IGSF9: variants seen among roughly 807,000 people sequenced by gnomAD.
The protein encoded by IGSF9 is immunoglobulin superfamily member 9.
IGSF9 carries 87 observed loss-of-function variants against 121.7 expected under a neutral mutation model. The observed-to-expected ratio is 0.71, with a 90% CI of 0.60 to 0.85. The LOEUF (loss-of-function observed/expected upper bound fraction) is 0.85. Ranked by LOEUF, IGSF9 falls within the 40% of genes least tolerant of loss-of-function variation. The pLI is 0.00. For missense variants in IGSF9, 1,462 were observed against 1,565.3 expected, an observed-to-expected ratio of 0.93 and a Z score of 1.11; for synonymous variants, 640 against 648.4, an observed-to-expected ratio of 0.99 and a Z score of 0.20.
chr1:159,927,558 G>A, intron 20 of IGSF9, 32 bp from the exon 21 acceptor site: 1 of 1,598,812 alleles, frequency 6.3e-7, no homozygotes, highest in Non-Finnish European at 8.5e-7. Flanking sequence ...ATGAGAAGAA[G>A]CCCTGAGGTT....
chr1:159,927,132 G>GAGAGAGAGAGAGAGAGAGAGAGAGAGA lies in IGSF9; in HGVS notation c.*212_*213insTCTCTCTCTCTCTCTCTCTCTCTCTCT. 2.4e-6 allele frequency: 1 copy of GAGAGAGAGAGAGAGAGAGAGAGAGAGA among 408,786 alleles called. No homozygotes were observed. The highest frequency in any genetic ancestry group is 3.8e-5 in the South Asian group (1 of 26,216). 25.3% of individuals were successfully genotyped at this position (408,786 alleles called of 1,614,324 possible). A position where few individuals can be genotyped will look rare whatever the true frequency, so the allele number is the denominator to read the frequency against. On this transcript the variant is annotated 3_prime_UTR_variant, in exon 21 of 21. Coordinates refer to ENST00000368094, the MANE Select transcript of IGSF9 (RefSeq NM_001135050.2). ...GAGAGAGAGAGAGAGAGAGAGAGAG[G>GAGAGAGAGAGAGAGAGAGAGAGAGAGA]CAGACCTAAGATCCCTGTTCCAATC...
At chr1:159,935,546 C>A (rs1186121376) in intron 6 of IGSF9, among the ~76,000 whole-genome samples, 1 of 152,254 alleles carries the variant, frequency 6.6e-6, no homozygotes, top group Non-Finnish European at 1.5e-5. Flanking sequence ...AAAAGCACCT[C>A]TGGCTACTAC....
At position 159,928,637 on chromosome 1, in the gene IGSF9, CA is replaced by C; in HGVS notation, c.2750del (p.Leu917CysfsTer11). The C allele has an allele frequency of 6.7e-7, 1 of 1,484,816 alleles. No individual in the cohort carries two copies. Among genetic ancestry groups the C allele is most frequent in the Non-Finnish European group, 9.0e-7 (1 of 1,115,838 alleles). The allele number at this position is 1,484,816 out of a possible 1,614,324, so 92.0% of individuals were successfully genotyped here. ...APPPAAPPSP[L>X]PGPGPLLQYL... ...ACTGGAGCAGGGGTCCAGGACCTGGCAAGGGACTGGGTGGGGCTGCTGGAGG... is the reference window on the plus strand; with the variant it reads ...ACTGGAGCAGGGGTCCAGGACCTGGCAGGGACTGGGTGGGGCTGCTGGAGG... On this transcript the variant is annotated frameshift_variant, in exon 19 of 21. Transcript: ENST00000368094. LOFTEE classifies it high-confidence loss of function.
At position 159,942,900 on chromosome 1, in the gene IGSF9, A is replaced by G. The variant is rs1651438591; in HGVS notation, c.247+63T>C. On this transcript the variant is annotated intron_variant, in intron 3 of 20. Coordinates refer to ENST00000368094, the MANE Select transcript of IGSF9 (RefSeq NM_001135050.2). Reference sequence around the variant, plus strand: ...AGCCGTTCATAGGAGGCCTTGTGCGACTCTACCCAGCCCACCTTTCTTGCT... The same window carrying G: ...AGCCGTTCATAGGAGGCCTTGTGCGGCTCTACCCAGCCCACCTTTCTTGCT... 11 of 1,453,566 alleles carry G rather than the reference A, an allele frequency of 7.6e-6. No homozygotes were observed. The South Asian group carries it at 1.1e-4, about 14-fold the overall frequency. The allele number at this position is 1,453,566 out of a possible 1,614,324, so 90.0% of individuals were successfully genotyped here. A position where few individuals can be genotyped will look rare whatever the true frequency, so the allele number is the denominator to read the frequency against.
Position 159,928,208 on chromosome 1 carries a change from A to G in IGSF9, c.3180T>C (p.Ser1060=), listed in dbSNP as rs1285744099. The change falls in exon 19 of 21, where the codon AGT becomes AGC. Residue 1060 remains serine (S), a synonymous_variant. Coordinates refer to ENST00000368094, the MANE Select transcript of IGSF9 (RefSeq NM_001135050.2). ...CCCTTCGGGGCCATCTCTCAGGGCC[A>G]CTGGCCCAGCTGCTGGTGTCTCCTG... ...PAPGDTSSWA[S]GPERWPRREH... is the part of the protein sequence containing the mutation. 1 of 1,612,546 alleles carries G rather than the reference A, an allele frequency of 6.2e-7. No individual in the cohort carries two copies. The highest frequency in any genetic ancestry group is 1.7e-5 in the Admixed American group (1 of 60,024).
chr1:159,945,403 G>A (rs1017494473), intron 1 of IGSF9, among the ~76,000 whole-genome samples, 170 bp downstream of exon 1: 1 of 149,326 alleles, frequency 6.7e-6, no homozygotes, highest in Non-Finnish European at 1.5e-5. Context: ...AGTTCTCCGG[G>A]AACTCCCACC....
rs1650755798 is a variant in IGSF9 at position 159,927,091 on chromosome 1, CACACACAGAG to C, written c.*244_*253del. ...GTAAAAAACTTCACACACACACACA[CACACACAGAG>C]AGAGAGAGAGAGAGAGAGAGAGAGA... On this transcript the variant is annotated 3_prime_UTR_variant, in exon 21 of 21. Coordinates refer to ENST00000368094, the MANE Select transcript of IGSF9 (RefSeq NM_001135050.2). 2 of 540,818 alleles carry C rather than the reference CACACACAGAG, an allele frequency of 3.7e-6. No homozygotes were observed. 33.5% of individuals were successfully genotyped at this position (540,818 alleles called of 1,614,324 possible).
Position 159,934,780 on chromosome 1 carries a change from T to C in IGSF9, c.716A>G (p.Asn239Ser), listed in dbSNP as rs781409809. 9.3e-6 allele frequency: 15 copies of C among 1,614,052 alleles called. No homozygotes were observed. The highest frequency in any genetic ancestry group is 2.7e-5 in the African/African-American group (2 of 74,912). ...IVVPPKNSTV[N>S]ASQDVSLACH... The stretch of plus-strand genomic sequence containing the variant: ...GGCCAATGAAACATCCTGGGAGGCA[T>C]TGACTGTGCTGTTCTTGGGGGGCAC... Residue 239 changes from asparagine to serine, a missense_variant, in exon 7 of 21, where the codon AAT becomes AGT. Transcript: ENST00000368094.
Position 159,928,860 on chromosome 1 carries a change from TC to T in IGSF9, c.2527del (p.Glu843SerfsTer12). The T allele has an allele frequency of 6.3e-7, 1 of 1,583,502 alleles. No individual in the cohort carries two copies. Among genetic ancestry groups the T allele is most frequent in the Admixed American group, 1.8e-5 (1 of 55,402 alleles). ...CCCGTCTGGGCCCCGGCAAATGGGC[TC>T]CAGAGGTAAGGGTCCCCGGCTAGAT... ...PPSSRGPLPLEPICRGPDGRF... is the reference protein window; with the variant it reads ...PPSSRGPLPLXPICRGPDGRF... On this transcript the variant is annotated frameshift_variant, in exon 19 of 21. Coordinates refer to ENST00000368094, the MANE Select transcript of IGSF9 (RefSeq NM_001135050.2). LOFTEE classifies it high-confidence loss of function.
rs543521092 is a variant in IGSF9, at chr1:159,928,275, G to C, written c.3113C>G (p.Ser1038Cys). 1.7e-5 allele frequency: 27 copies of C among 1,613,028 alleles called. No individual in the cohort carries two copies. Among genetic ancestry groups the C allele is most frequent in the Non-Finnish European group, 2.1e-5 (25 of 1,179,852 alleles). Reference sequence around the variant, plus strand: ...GCTGCCTCCTGCAGAGGGGGCTGTGGAGGGGGGCCGCAGGAACGAAGCGCT... The same window carrying C: ...GCTGCCTCCTGCAGAGGGGGCTGTGCAGGGGGGCCGCAGGAACGAAGCGCT... ...RGSASFLRPP[S>C]TAPSAGGSYL... The change falls in exon 19 of 21, where the codon TCC (serine) becomes TGC (cysteine). Residue 1038 changes from serine to cysteine, a missense_variant. Coordinates refer to ENST00000368094, the MANE Select transcript of IGSF9 (RefSeq NM_001135050.2).
At chr1:159,936,988 C>A (rs1249529398) in intron 4 of IGSF9, 80 bp from the exon 5 acceptor site, 1 of 1,425,596 alleles carries the variant, frequency 7.0e-7, no homozygotes, top group Non-Finnish European at 9.7e-7. Context: ...GGAGACCACT[C>A]AGGGCTCCAG....
At position 159,936,887 on chromosome 1, in the gene IGSF9, G is replaced by A; in HGVS notation, c.422C>T (p.Thr141Ile). Residue 141 changes from threonine to isoleucine, a missense_variant, in exon 5 of 21, where the codon ACA (threonine) becomes ATA (isoleucine). Thr to Ile is a moderately conservative substitution (Grantham distance 89). Transcript: ENST00000368094. ...CTGCACTTCCAACACAGCAGGAGGT[G>A]TCTCCTGGAATTGAGGGGGTGCTGC... ...TVNSPPQFQETPPAVLEVQEL... is the reference protein window; with the variant it reads ...TVNSPPQFQEIPPAVLEVQEL... The A allele has an allele frequency of 6.2e-7, 1 of 1,614,222 alleles. No individual in the cohort carries two copies. Among genetic ancestry groups the A allele is most frequent in the Non-Finnish European group, 8.5e-7 (1 of 1,180,018 alleles).
chr1:159,935,446 T>G (rs1651151282), intron 6 of IGSF9, among the ~76,000 whole-genome samples: 1 of 152,226 alleles, frequency 6.6e-6, no homozygotes, highest in East Asian at 1.9e-4. Flanking sequence ...TATGGGCAGC[T>G]GGCTGTCCCC....
intron 3 of IGSF9, among the ~76,000 whole-genome samples, chr1:159,941,991 TC>T (rs1189655100): frequency 6.6e-6 from 1 of 152,190 alleles, no homozygotes; most frequent in Non-Finnish European, 1.5e-5. Flanking sequence ...GCTCAGCCAA[TC>T]CCGGGGTTTC....
chr1:159,929,481 C>T, intron 17 of IGSF9, 88 bp from the exon 18 acceptor site: 1 of 1,539,292 alleles, frequency 6.5e-7, no homozygotes, highest in Non-Finnish European at 8.9e-7. Context: ...AGGCGCCCAA[C>T]CCCATCCGGC....
rs1034460257 is a variant in IGSF9, at chr1:159,927,189, T to G, written c.*156A>C. ...CTCACCTAGGGGGTCAGCACATACA[T>G]TCCATACCAAGGTGACCCAAACCCA... On this transcript the variant is annotated 3_prime_UTR_variant, in exon 21 of 21. Transcript: ENST00000368094. 6.6e-6 allele frequency: 5 copies of G among 755,098 alleles called. No homozygotes were observed. Among genetic ancestry groups the G allele is most frequent in the Non-Finnish European group, 1.1e-5 (5 of 451,424 alleles). The allele number at this position is 755,098 out of a possible 1,614,324, so 46.8% of individuals were successfully genotyped here.
rs147663633 is a variant in IGSF9, at chr1:159,931,866, C to T, written c.1308G>A (p.Leu436=). The change falls in exon 11 of 21, where the codon CTG becomes CTA. Residue 436 remains leucine, a synonymous_variant. Coordinates refer to ENST00000368094, the MANE Select transcript of IGSF9 (RefSeq NM_001135050.2). The surrounding 1 kb of genome is among the most constrained non-coding windows in gnomAD (Gnocchi z 4.8). ...EEYFQEVGRE[L]LIPCSAQGDP... ...CCCCTTGGGCGGAGCAGGGGATGAG[C>T]AGCTCCCGCCCTACTTCTTGGAAAT... 17 of 1,596,872 alleles carry T rather than the reference C, an allele frequency of 1.1e-5. No individual in the cohort carries two copies. The highest frequency in any genetic ancestry group is 1.4e-5 in the Non-Finnish European group (17 of 1,174,384).
intron 9 of IGSF9, 27 bp downstream of exon 9, chr1:159,934,163 C>A (rs1651098693): frequency 1.3e-6 from 2 of 1,597,984 alleles, no homozygotes; most frequent in East Asian, 4.5e-5. Context: ...AAGCTAAGAC[C>A]CTCCTTCCCC....
chr1:159,929,324 G>C (rs781574424), intron 18 of IGSF9, 27 bp downstream of exon 18: 1 of 1,611,234 alleles, frequency 6.2e-7, no homozygotes, highest in East Asian at 2.2e-5. Context: ...AAAGGCAGAA[G>C]AAAGCCAAGG....
Sources: allele counts gnomAD v4.1 joint callset (sites outside exome capture counted in the v4.1 genomes callset), GRCh38; gene constraint gnomAD v4.1.1; non-coding constraint Gnocchi (gnomAD v3.1); transcripts MANE v1.5; gene names NCBI Gene and HGNC (gene_info 2026-07-23, HGNC 2026-07-21).